The following USP43 variants were observed in gnomAD, a reference collection of about 807,000 sequenced individuals.
USP43 encodes the protein ubiquitin carboxyl-terminal hydrolase 43.
USP43 carries 33 observed loss-of-function variants against 90.7 expected under a neutral mutation model. That is an observed-to-expected ratio of 0.36 (90% CI 0.28 to 0.49). USP43 has a LOEUF of 0.49. Among genes scored for constraint, USP43 ranks in the 20% least tolerant of loss-of-function variants. The probability of loss-of-function intolerance (pLI) is 0.98; values close to 1 mark genes in which losing one functional copy is unlikely to be tolerated. For synonymous variants in USP43, 598 were observed against 615.8 expected, an observed-to-expected ratio of 0.97 and a Z score of 0.43; for missense variants, 1,274 against 1,476.4, an observed-to-expected ratio of 0.86 and a Z score of 2.25.
At chr17:9,705,712 C>T (rs1202155545) in intron 12 of USP43, among the ~76,000 whole-genome samples, 1 of 151,620 alleles carries the variant, frequency 6.6e-6, no homozygotes, top group African/African-American at 2.4e-5. Context: ...CGAGATCACA[C>T]CACTGCACTC....
Position 9,676,727 on chromosome 17 carries a change from G to GC in USP43, c.834-15dup. On this transcript the variant is annotated intron_variant, in intron 4 of 14. Transcript: ENST00000285199. ...TTCATGTCAGTCCTTTAAGGGTGTT[G>GC]CCCCTTCCTATTTTCCAGGTTCTTG... 6.2e-7 allele frequency: 1 copy of GC among 1,610,290 alleles called. No homozygotes were observed.
chr17:9,728,284 G>T lies in USP43; in HGVS notation c.2666G>T (p.Gly889Val). ...CGGGCCATTGAAAGAGGTCCAGCCGGGGTGCCCTGTCCCTCGGCTCAACCC... is the reference window on the plus strand; with the variant it reads ...CGGGCCATTGAAAGAGGTCCAGCCGTGGTGCCCTGTCCCTCGGCTCAACCC... Reference protein sequence around the residue: ...GGRAIERGPAGVPCPSAQPNH... With the variant: ...GGRAIERGPAVVPCPSAQPNH... The change falls in exon 15 of 15, where the codon GGG becomes GTG. Residue 889 changes from glycine to valine, a missense_variant. Gly to Val is a moderately radical substitution (Grantham distance 109, BLOSUM62 -3). Coordinates refer to ENST00000285199, the MANE Select transcript of USP43 (RefSeq NM_153210.5). This position sits in a 1 kb window ranked among gnomAD's most constrained non-coding sequence, Gnocchi z 6.2. The T allele has an allele frequency of 6.2e-7, 1 of 1,613,442 alleles. No homozygotes were observed. Among genetic ancestry groups the T allele is most frequent in the Non-Finnish European group, 8.5e-7 (1 of 1,179,734 alleles).
intron 8 of USP43, among the ~76,000 whole-genome samples, chr17:9,691,497 G>C (rs538335745): frequency 6.6e-6 from 1 of 152,234 alleles, no homozygotes; most frequent in East Asian, 1.9e-4. Flanking sequence ...TGGACACTCA[G>C]GTTGTTTCTT....
At chr17:9,681,377 T>G (rs1914228752) in intron 6 of USP43, among the ~76,000 whole-genome samples, 1 of 116,316 alleles carries the variant, frequency 8.6e-6, no homozygotes, top group South Asian at 2.4e-4. Context: ...TAAATATATA[T>G]AAATAAATAT....
chr17:9,646,174 G>A, intron 1 of USP43, 38 bp downstream of exon 1: 2 of 1,391,238 alleles, frequency 1.4e-6, no homozygotes, highest in Admixed American at 3.6e-5. Context: ...CTGTCCCCCT[G>A]GTTTCGCCTC....
chr17:9,678,982 AT>A (rs1200696911), intron 5 of USP43, among the ~76,000 whole-genome samples: 1 of 152,038 alleles, frequency 6.6e-6, no homozygotes, highest in African/African-American at 2.4e-5. Context: ...TATGCATTAA[AT>A]CCCCTTATAC....
At chr17:9,664,411 C>G (rs1912863820) in intron 2 of USP43, among the ~76,000 whole-genome samples, 5 of 152,276 alleles carry the variant, frequency 3.3e-5, no homozygotes, top group Middle Eastern at 3.4e-3. Context: ...TTTCTAAAAT[C>G]CTTCAACATT....
At chr17:9,659,050 G>T (rs139109075) in intron 2 of USP43, among the ~76,000 whole-genome samples, 167 of 152,316 alleles carry the variant, frequency 1.1e-3, no homozygotes, top group African/African-American at 3.8e-3. Flanking sequence ...ATGCCTGTGG[G>T]GGTGAACGTG....
At position 9,728,530 on chromosome 17, in the gene USP43, A is replaced by G. The variant is rs1438057216; in HGVS notation, c.2912A>G (p.Tyr971Cys). 6.2e-7 allele frequency: 1 copy of G among 1,613,836 alleles called. No homozygotes were observed. Among genetic ancestry groups the G allele is most frequent in the Non-Finnish European group, 8.5e-7 (1 of 1,179,844 alleles). ...AGCAAAAGCAGCCCACCCTCCCCCT[A>G]TATGGGATTCTCTGGAAACAGCAAA... ...MGSKSSPPSP[Y>C]MGFSGNSKDS... Residue 971 changes from tyrosine (Y) to cysteine (C), a missense_variant, in exon 15 of 15, where the codon TAT becomes TGT. Tyr to Cys is a radical substitution (Grantham distance 194). Around this residue, in one of 6 missense-constraint regions of USP43, gnomAD observed 353 missense variants for 329.7 expected, o/e 1.07. Transcript: ENST00000285199. This position sits in a 1 kb window ranked among gnomAD's most constrained non-coding sequence, Gnocchi z 6.2.
intron 12 of USP43, among the ~76,000 whole-genome samples, chr17:9,708,632 T>TG (rs1916017851): frequency 6.6e-6 from 1 of 152,058 alleles, no homozygotes; most frequent in African/African-American, 2.4e-5. Flanking sequence ...TTTTTGTTGT[T>TG]GTTGTTGTTT....
At chr17:9,714,621 T>C (rs1916389387) in intron 14 of USP43, among the ~76,000 whole-genome samples, 1 of 146,914 alleles carries the variant, frequency 6.8e-6, no homozygotes, top group South Asian at 2.1e-4. Flanking sequence ...AGGTGGAGGT[T>C]GCAGTGAGCT....
At chr17:9,683,208 CT>C (rs937693972) in intron 7 of USP43, among the ~76,000 whole-genome samples, 1 of 152,150 alleles carries the variant, frequency 6.6e-6, no homozygotes, top group Non-Finnish European at 1.5e-5. Flanking sequence ...GCCTTCACCA[CT>C]GTTATTTTAT....
rs3066742 is a variant in USP43 at position 9,717,801 on chromosome 17, A to ATT, written c.2335+5682_2335+5683dup. ...TTTGTTAAATGTATGTATAGCTCAC[A>ATT]TTTTTTTTTTTTTTGAGGCGGAGTC... is the stretch of plus-strand genomic sequence containing the variant. On this transcript the variant is annotated intron_variant, in intron 14 of 14. Coordinates refer to ENST00000285199, the MANE Select transcript of USP43 (RefSeq NM_153210.5). 9.4e-4 allele frequency among the ~76,000 whole-genome samples: 134 copies of ATT among 142,564 alleles called. 1 individual carries two copies. The highest frequency in any genetic ancestry group is 2.7e-3 in the African/African-American group (103 of 38,792). The allele number at this position is 142,564 out of a possible 152,430, so 93.5% of individuals were successfully genotyped here. A position where few individuals can be genotyped will look rare whatever the true frequency, so the allele number is the denominator to read the frequency against.
intron 13 of USP43, 24 bp from the exon 14 acceptor site, chr17:9,711,944 T>A: frequency 1.3e-6 from 2 of 1,569,762 alleles, no homozygotes; most frequent in Non-Finnish European, 1.7e-6. Context: ...GGGCTCAGCC[T>A]CCCTCTCTGT....
intron 8 of USP43, among the ~76,000 whole-genome samples, chr17:9,689,440 C>T (rs1301371787): frequency 6.6e-6 from 1 of 151,246 alleles, no homozygotes; most frequent in Non-Finnish European, 1.5e-5. Context: ...GAGATAGAGT[C>T]CCACTCTGTT....
At position 9,729,123 on chromosome 17, in the gene USP43, T is replaced by TG. The variant is rs1917448795; in HGVS notation, c.*134dup. ...CTCTAAAAAAAAATTTTTTTTTTTTTGTGGTGGGGGGTCTCCATATCTAGA... is the reference window on the plus strand; with the variant it reads ...CTCTAAAAAAAAATTTTTTTTTTTTTGGTGGTGGGGGGTCTCCATATCTAGA... On this transcript the variant is annotated 3_prime_UTR_variant, in exon 15 of 15. Coordinates refer to ENST00000285199, the MANE Select transcript of USP43 (RefSeq NM_153210.5). 9.7e-6 allele frequency: 8 copies of TG among 823,356 alleles called. No individual in the cohort carries two copies. The highest frequency in any genetic ancestry group is 1.4e-5 in the Non-Finnish European group (8 of 584,678). 51.0% of individuals were successfully genotyped at this position (823,356 alleles called of 1,614,324 possible). A position where few individuals can be genotyped will look rare whatever the true frequency, so the allele number is the denominator to read the frequency against.
Position 9,645,702 on chromosome 17 carries a change from C to T in USP43, c.70C>T (p.Leu24=), listed in dbSNP as rs2038902079. ...LAPRPRRRRS[L]RRLFSRFLLA... ...GCCCCGGCCCCGCCGCCGCCGCTCC[C>T]TGCGCCGCCTGTTCAGCCGCTTCCT... Residue 24 remains leucine (L), a synonymous_variant, in exon 1 of 15, where the codon CTG becomes TTG. Coordinates refer to ENST00000285199, the MANE Select transcript of USP43 (RefSeq NM_153210.5). The surrounding 1 kb of genome is among the most constrained non-coding windows in gnomAD (Gnocchi z 6.8). 3.0e-6 allele frequency: 4 copies of T among 1,325,784 alleles called. No homozygotes were observed. The highest frequency in any genetic ancestry group is 2.9e-6 in the Non-Finnish European group (3 of 1,044,326). The allele number at this position is 1,325,784 out of a possible 1,614,324, so 82.1% of individuals were successfully genotyped here.
At chr17:9,699,255 C>G (rs984531644) in intron 9 of USP43, among the ~76,000 whole-genome samples, 1 of 152,170 alleles carries the variant, frequency 6.6e-6, no homozygotes, top group South Asian at 2.1e-4. Flanking sequence ...TGGTTCTCCC[C>G]GTCTACAGGA....
chr17:9,690,003 C>G lies in USP43; in HGVS notation c.1353+3094C>G, dbSNP rs765423376. On this transcript the variant is annotated intron_variant, in intron 8 of 14. Transcript: ENST00000285199. ...ATTTCGTCTTTGTTGAAGCCGTAGA[C>G]GAACTGGAACGTGGTTAGAGTCTGG... Among the ~76,000 whole-genome samples, 3 of 152,168 alleles carry G rather than the reference C, an allele frequency of 2.0e-5. No homozygotes were observed. In the South Asian group the frequency reaches 6.2e-4, roughly 32 times the overall value.
Sources: gnomAD v4.1 joint callset for allele counts (sites outside exome capture counted in the v4.1 genomes callset) on GRCh38, gnomAD v4.1.1 for gene constraint, gnomAD v4.1.1 regional missense constraint, Gnocchi (gnomAD v3.1) non-coding constraint, MANE v1.5 for transcripts, NCBI Gene and HGNC (gene_info 2026-07-23, HGNC 2026-07-21) for gene names.